NPAS3: variants seen among roughly 807,000 people sequenced by gnomAD.
NPAS3 encodes neuronal PAS domain protein 3, also known as neuronal PAS domain-containing protein 3.
A neutral mutation model predicts 73.1 loss-of-function variants in NPAS3; 14 were observed. The observed-to-expected ratio is 0.19, with a 90% CI of 0.13 to 0.30. The LOEUF is 0.30. Among genes scored for constraint, NPAS3 ranks in the 10% least tolerant of loss-of-function variants. NPAS3 has a pLI of 1.00. For missense variants in NPAS3, 1,096 were observed against 1,250.0 expected (o/e 0.88, Z 1.86); for synonymous variants, 620 against 541.5 (o/e 1.14, Z -2.01).
intron 2 of NPAS3, among the ~76,000 whole-genome samples, chr14:33,177,307 A>G (rs1038675450): frequency 3.3e-5 from 5 of 151,888 alleles, no homozygotes; most frequent in Non-Finnish European, 7.4e-5. Flanking sequence ...CATGTTGGCC[A>G]GGATGGTCTT....
At chr14:33,229,492 C>A (rs543130769) in intron 3 of NPAS3, among the ~76,000 whole-genome samples, 1 of 152,150 alleles carries the variant, frequency 6.6e-6, no homozygotes, top group East Asian at 1.9e-4. Flanking sequence ...CACCTTCCCG[C>A]CCGCTCACAT....
At chr14:33,130,256 T>A (rs1052972670) in intron 2 of NPAS3, among the ~76,000 whole-genome samples, 2 of 152,132 alleles carry the variant, frequency 1.3e-5, no homozygotes, top group African/African-American at 4.8e-5. Context: ...TAAATCTCCT[T>A]AAAAATAAGT....
At chr14:33,653,681 A>T (rs904644650) in intron 5 of NPAS3, among the ~76,000 whole-genome samples, 9 of 152,202 alleles carry the variant, frequency 5.9e-5, no homozygotes, top group African/African-American at 2.2e-4. Context: ...ACTGCCAAGG[A>T]CTCACAATCG....
At chr14:33,192,158 T>G (rs183815596) in intron 2 of NPAS3, among the ~76,000 whole-genome samples, 2 of 152,306 alleles carry the variant, frequency 1.3e-5, no homozygotes, top group Admixed American at 1.3e-4. Context: ...AGGCAAATTA[T>G]GTGATCACTT....
intron 1 of NPAS3, among the ~76,000 whole-genome samples, chr14:32,989,643 A>AAACAAC (rs140844361): frequency 2.0e-4 from 30 of 151,368 alleles, no homozygotes; most frequent in South Asian, 1.3e-3. Flanking sequence ...ACTCGGTCTC[A>AAACAAC]AACAACAACA....
intron 9 of NPAS3, among the ~76,000 whole-genome samples, chr14:33,789,479 T>A (rs548177487): frequency 5.9e-5 from 9 of 152,080 alleles, no homozygotes; most frequent in Non-Finnish European, 1.3e-4. Context: ...CCTATGCAAG[T>A]GTATTTATCC....
At chr14:33,706,920 C>T (rs1378428798) in intron 6 of NPAS3, among the ~76,000 whole-genome samples, 4 of 152,192 alleles carry the variant, frequency 2.6e-5, no homozygotes, top group Admixed American at 6.5e-5. Flanking sequence ...ATGGCACCCT[C>T]TTGGTTCATC....
At chr14:33,775,121 G>A (rs569953473) in intron 8 of NPAS3, among the ~76,000 whole-genome samples, 62 of 152,244 alleles carry the variant, frequency 4.1e-4, no homozygotes, top group African/African-American at 1.4e-3. Flanking sequence ...GGACTTTTTA[G>A]CCTCTGGTTA....
At chr14:33,392,306 G>A (rs117306110) in intron 4 of NPAS3, among the ~76,000 whole-genome samples, 1,604 of 152,190 alleles carry the variant, frequency 0.011, 12 homozygotes, top group Non-Finnish European at 0.017. Context: ...TTTATCACAT[G>A]CTTTACAACT....
chr14:33,123,750 T>A (rs2043319665), intron 2 of NPAS3, among the ~76,000 whole-genome samples: 1 of 151,892 alleles, frequency 6.6e-6, no homozygotes, highest in Non-Finnish European at 1.5e-5. Context: ...AACAGGTAAG[T>A]ATATTCAGCT....
intron 3 of NPAS3, among the ~76,000 whole-genome samples, chr14:33,330,651 T>C (rs2043942610): frequency 1.3e-5 from 2 of 152,222 alleles, no homozygotes; most frequent in Non-Finnish European, 1.5e-5. Flanking sequence ...TCTGTCTCCA[T>C]AGGTGCATTT....
chr14:32,981,382 T>TATAG (rs1477488684), intron 1 of NPAS3, among the ~76,000 whole-genome samples: 3 of 152,234 alleles, frequency 2.0e-5, no homozygotes, highest in African/African-American at 7.2e-5. Flanking sequence ...GAGACTACTT[T>TATAG]ATAGACAGTG....
intron 7 of NPAS3, among the ~76,000 whole-genome samples, chr14:33,753,420 G>A (rs539935144): frequency 1.9e-4 from 28 of 150,248 alleles, no homozygotes; most frequent in Admixed American, 6.6e-4. Context: ...ACATTCCCAA[G>A]CCTTTCACGT....
At chr14:33,795,043 T>G (rs1449861767) in intron 10 of NPAS3, among the ~76,000 whole-genome samples, 1 of 152,184 alleles carries the variant, frequency 6.6e-6, no homozygotes, top group African/African-American at 2.4e-5. Context: ...GAATCCCATT[T>G]TTCTTTGAGA....
chr14:33,782,977 C>T (rs921024938), intron 9 of NPAS3, among the ~76,000 whole-genome samples: 2 of 152,162 alleles, frequency 1.3e-5, no homozygotes, highest in African/African-American at 4.8e-5. Flanking sequence ...GGCGTCTCAT[C>T]GCCAAATGCA....
At chr14:33,721,930 C>G (rs933672537) in intron 6 of NPAS3, among the ~76,000 whole-genome samples, 4 of 152,148 alleles carry the variant, frequency 2.6e-5, no homozygotes, top group South Asian at 2.1e-4. Context: ...CCTACTGATA[C>G]TGATGGATTC....
At chr14:33,236,686 G>A (rs1255746075) in intron 3 of NPAS3, among the ~76,000 whole-genome samples, 3 of 152,092 alleles carry the variant, frequency 2.0e-5, no homozygotes, top group Admixed American at 1.3e-4. Flanking sequence ...GACCTTGGCT[G>A]ATGGACATTC....
chr14:33,633,776 G>A (rs556182351), intron 5 of NPAS3, among the ~76,000 whole-genome samples: 1 of 152,222 alleles, frequency 6.6e-6, no homozygotes, highest in African/African-American at 2.4e-5. Context: ...GCCCGGGAGA[G>A]TGAGACCAGC....
intron 2 of NPAS3, among the ~76,000 whole-genome samples, chr14:33,185,507 A>G (rs549964617): frequency 2.1e-4 from 32 of 152,264 alleles, no homozygotes; most frequent in Non-Finnish European, 3.8e-4. Context: ...TTCCTCCTAT[A>G]TTTATATTCA....
Sources: allele counts gnomAD v4.1 joint callset (sites outside exome capture counted in the v4.1 genomes callset), GRCh38; gene constraint gnomAD v4.1.1; transcripts MANE v1.5; gene names NCBI Gene and HGNC (gene_info 2026-07-23, HGNC 2026-07-21).